The following TRAPPC9 variants were observed in gnomAD, a reference collection of about 807,000 sequenced individuals.
TRAPPC9 encodes the protein IKK2 binding protein.
TRAPPC9 carries 83 observed loss-of-function variants against 124.0 expected under a neutral mutation model. The observed-to-expected ratio is 0.67, with a 90% CI of 0.56 to 0.80. The LOEUF (loss-of-function observed/expected upper bound fraction) is 0.80, where lower values mean the gene tolerates loss of function less well. TRAPPC9 is among the 30% of genes least tolerant of loss of function. The probability of loss-of-function intolerance (pLI) is 0.00; values close to 1 mark genes in which losing one functional copy is unlikely to be tolerated. For synonymous variants in TRAPPC9, 638 were observed against 617.5 expected (o/e 1.03, Z -0.49); for missense variants, 1,302 against 1,508.3 (o/e 0.86, Z 2.27).
intron 14 of TRAPPC9, among the ~76,000 whole-genome samples, chr8:140,281,415 AAATAGGT>A (rs2065319974): frequency 6.6e-6 from 1 of 152,192 alleles, no homozygotes; most frequent in Non-Finnish European, 1.5e-5. Flanking sequence ...TCTTGTGGTG[AAATAGGT>A]ACTCAAATCT....
chr8:140,362,213 G>A (rs1002283649), intron 8 of TRAPPC9, among the ~76,000 whole-genome samples: 1 of 152,156 alleles, frequency 6.6e-6, no homozygotes, highest in African/African-American at 2.4e-5. Context: ...CTGGCAGGGT[G>A]CCTGATAACA....
chr8:140,037,436 C>A (rs1840966526), intron 17 of TRAPPC9, among the ~76,000 whole-genome samples: 1 of 152,064 alleles, frequency 6.6e-6, no homozygotes, highest in African/African-American at 2.4e-5. Context: ...AATAAAGAAA[C>A]AAATTTCCAC....
At chr8:140,072,618 AGG>A (rs1843254050) in intron 17 of TRAPPC9, among the ~76,000 whole-genome samples, 1 of 145,878 alleles carries the variant, frequency 6.9e-6, no homozygotes, top group Non-Finnish European at 1.5e-5. Context: ...GAGGAGGAGG[AGG>A]AGGAGCGGTG....
At chr8:140,322,056 A>G (rs1007417604) in intron 9 of TRAPPC9, among the ~76,000 whole-genome samples, 1 of 152,194 alleles carries the variant, frequency 6.6e-6, no homozygotes, top group African/African-American at 2.4e-5. Context: ...CCCTTCACTG[A>G]GTGCAAGGCA....
At chr8:139,906,924 G>A (rs1354861800) in intron 20 of TRAPPC9, among the ~76,000 whole-genome samples, 3 of 152,152 alleles carry the variant, frequency 2.0e-5, no homozygotes, top group South Asian at 4.1e-4. Context: ...CCCCTGCTGA[G>A]GACAGCACAG....
At chr8:139,899,915 G>A (rs1285773193) in intron 20 of TRAPPC9, among the ~76,000 whole-genome samples, 1 of 152,150 alleles carries the variant, frequency 6.6e-6, no homozygotes, top group Non-Finnish European at 1.5e-5. Flanking sequence ...GGAGACTCTT[G>A]TGCCTAATTT....
At chr8:140,344,972 C>G (rs1437746009) in intron 9 of TRAPPC9, among the ~76,000 whole-genome samples, 1 of 152,212 alleles carries the variant, frequency 6.6e-6, no homozygotes, top group Non-Finnish European at 1.5e-5. Context: ...GGCCTGACGG[C>G]GGGGAAGCCA....
chr8:140,006,878 A>G (rs571756018), intron 18 of TRAPPC9, among the ~76,000 whole-genome samples: 18 of 152,266 alleles, frequency 1.2e-4, no homozygotes, highest in Admixed American at 1.1e-3. Context: ...TTCTTCTGGG[A>G]GGATGAAAAG....
intron 21 of TRAPPC9, among the ~76,000 whole-genome samples, chr8:139,773,266 C>G (rs538791572): frequency 6.6e-6 from 1 of 152,334 alleles, no homozygotes; most frequent in Admixed American, 6.5e-5. Flanking sequence ...CAGGTTTCAA[C>G]GAAAATCCAA....
intron 17 of TRAPPC9, among the ~76,000 whole-genome samples, chr8:140,082,462 GAC>G (rs1291261923): frequency 1.3e-5 from 2 of 152,092 alleles, no homozygotes; most frequent in Non-Finnish European, 2.9e-5. Context: ...AAATAATAAA[GAC>G]AGGTGAGAGG....
intron 21 of TRAPPC9, among the ~76,000 whole-genome samples, chr8:139,809,458 A>G (rs562988476): frequency 6.6e-6 from 1 of 152,364 alleles, no homozygotes; most frequent in East Asian, 1.9e-4. Context: ...GAGGCAGGCT[A>G]TGAAATCACT....
At chr8:140,403,795 C>T (rs1455240763) in intron 6 of TRAPPC9, among the ~76,000 whole-genome samples, 2 of 151,860 alleles carry the variant, frequency 1.3e-5, no homozygotes, top group Non-Finnish European at 2.9e-5. Flanking sequence ...GTAGCTGGGA[C>T]TACAGGTGCA....
intron 16 of TRAPPC9, among the ~76,000 whole-genome samples, chr8:140,229,748 G>A (rs184759471): frequency 7.8e-4 from 119 of 151,982 alleles, no homozygotes; most frequent in African/African-American, 2.8e-3. Context: ...AGTAGAAATG[G>A]GGTTTCACCA....
Position 139,767,333 on chromosome 8 carries a change from T to C in TRAPPC9, c.3056-35131A>G, listed in dbSNP as rs532503331. The stretch of plus-strand genomic sequence containing the variant: ...TGTTTTCTGAAGTGAGCTAAGTTCA[T>C]CAACACGGGTAGAAAATGCAAACTG... On this transcript the variant is annotated intron_variant, in intron 21 of 22. Transcript: ENST00000438773. Among the ~76,000 whole-genome samples, 11 of 152,302 alleles carry C rather than the reference T, an allele frequency of 7.2e-5. No homozygotes were observed. In the East Asian group the frequency reaches 1.5e-3, roughly 21 times the overall value.
chr8:139,991,296 A>G (rs896602515), intron 18 of TRAPPC9, among the ~76,000 whole-genome samples: 1 of 152,256 alleles, frequency 6.6e-6, no homozygotes. Context: ...GAGCAGCATC[A>G]ATACACAATG....
intron 16 of TRAPPC9, among the ~76,000 whole-genome samples, chr8:140,226,166 C>T (rs567736058): frequency 8.1e-4 from 123 of 152,222 alleles, no homozygotes; most frequent in African/African-American, 2.9e-3. Context: ...TGAAAACATC[C>T]CATCAACAGT....
At position 139,785,710 on chromosome 8, in the gene TRAPPC9, C is replaced by G. The variant is rs553876721; in HGVS notation, c.3056-53508G>C. On this transcript the variant is annotated intron_variant, in intron 21 of 22. Coordinates refer to ENST00000438773, the MANE Select transcript of TRAPPC9 (RefSeq NM_001160372.4). The stretch of plus-strand genomic sequence containing the variant: ...TACCACTGCACTCCAGCCTGGGCAA[C>G]AGAGCAAGACTCCATCTAAAAAAAA... Among the ~76,000 whole-genome samples, 73 of 150,574 alleles carry G rather than the reference C, an allele frequency of 4.8e-4. No homozygotes were observed. In the South Asian group the frequency reaches 6.5e-3, roughly 13 times the overall value.
intron 14 of TRAPPC9, among the ~76,000 whole-genome samples, chr8:140,280,514 C>T (rs1471951484): frequency 1.3e-5 from 2 of 152,032 alleles, no homozygotes; most frequent in African/African-American, 4.8e-5. Context: ...CTGCAACCTC[C>T]GCCTCCCAGG....
At chr8:139,899,529 G>A (rs536638185) in intron 20 of TRAPPC9, among the ~76,000 whole-genome samples, 1 of 152,280 alleles carries the variant, frequency 6.6e-6, no homozygotes, top group South Asian at 2.1e-4. Context: ...GCTGTCTCAG[G>A]GGTGGCAGAG....
Sources: gnomAD v4.1 joint callset for allele counts (sites outside exome capture counted in the v4.1 genomes callset) on GRCh38, gnomAD v4.1.1 for gene constraint, MANE v1.5 for transcripts, NCBI Gene and HGNC (gene_info 2026-07-23, HGNC 2026-07-21) for gene names.